Variants in PATJ observed in about 807,000 individuals in gnomAD.
PATJ encodes the protein PATJ crumbs cell polarity complex component.
In PATJ, 190 loss-of-function variants were observed where a neutral mutation model predicts 224.9. The observed-to-expected ratio is 0.84, with a 90% CI of 0.75 to 0.95. The LOEUF is 0.95. Among genes scored for constraint, PATJ ranks in the 40% least tolerant of loss-of-function variants. The probability of loss-of-function intolerance (pLI) is 0.00; values close to 1 mark genes in which losing one functional copy is unlikely to be tolerated. For missense variants in PATJ, 2,121 were observed against 2,270.3 expected (o/e 0.93, Z 1.34); for synonymous variants, 769 against 820.3 (o/e 0.94, Z 1.07).
intron 33 of PATJ, among the ~76,000 whole-genome samples, chr1:62,094,526 T>C (rs1211335282): frequency 6.7e-6 from 1 of 150,106 alleles, no homozygotes; most frequent in Non-Finnish European, 1.5e-5. Flanking sequence ...ATTATAGGCA[T>C]GAACCACTGA....
intron 20 of PATJ, 38 bp from the exon 21 acceptor site, chr1:61,875,205 T>C (rs901278503): frequency 4.3e-6 from 6 of 1,404,632 alleles, no homozygotes; most frequent in Non-Finnish European, 4.0e-6. Flanking sequence ...ATTTTTTTCA[T>C]AAAGTACTAA....
At chr1:61,884,171 G>T in intron 21 of PATJ, 66 bp from the exon 22 acceptor site, 1 of 1,280,204 alleles carries the variant, frequency 7.8e-7, no homozygotes, top group Non-Finnish European at 1.1e-6. Context: ...CCCATACCTA[G>T]TTGTTGAATG....
At chr1:61,963,304 A>C (rs1036122690) in intron 27 of PATJ, among the ~76,000 whole-genome samples, 1 of 152,166 alleles carries the variant, frequency 6.6e-6, no homozygotes, top group Admixed American at 6.5e-5. Context: ...GAAAATATTA[A>C]GGAAACCAGC....
intron 21 of PATJ, among the ~76,000 whole-genome samples, chr1:61,883,333 A>T (rs1299310416): frequency 1.3e-5 from 2 of 152,082 alleles, no homozygotes; most frequent in African/African-American, 4.8e-5. Context: ...AAATTATGGC[A>T]ATCTGTACCC....
rs538786150 is a variant in PATJ at position 61,940,948 on chromosome 1, A to T, written c.3670+13119A>T. ...TACATTTTCACTTTCAACTGAGATC[A>T]CTAGGAGAGAAAGGCATTTTGGAGT... is the stretch of plus-strand genomic sequence containing the variant. On this transcript the variant is annotated intron_variant, in intron 27 of 43. Transcript: ENST00000642238. Among the ~76,000 whole-genome samples, 11 of 152,274 alleles carry T rather than the reference A, an allele frequency of 7.2e-5. No homozygotes were observed. The East Asian group carries it at 1.7e-3, about 24-fold the overall frequency.
chr1:61,779,256 C>T (rs1163515711), intron 7 of PATJ, among the ~76,000 whole-genome samples: 1 of 152,024 alleles, frequency 6.6e-6, no homozygotes, highest in Non-Finnish European at 1.5e-5. Context: ...CTGGCAAGTC[C>T]AAAATACGTA....
intron 33 of PATJ, among the ~76,000 whole-genome samples, chr1:62,102,406 G>A (rs928932602): frequency 1.3e-5 from 2 of 151,866 alleles, no homozygotes; most frequent in East Asian, 3.9e-4. Flanking sequence ...CTTTTTTCTT[G>A]GGCTAAACAA....
At chr1:61,969,347 G>A (rs1682618488) in intron 27 of PATJ, among the ~76,000 whole-genome samples, 1 of 152,104 alleles carries the variant, frequency 6.6e-6, no homozygotes, top group African/African-American at 2.4e-5. Context: ...TACCAACGAT[G>A]CATAAACGTT....
chr1:61,927,113 T>C lies in PATJ; in HGVS notation c.3571-617T>C, dbSNP rs1473580535. Among the ~76,000 whole-genome samples, 3 of 152,344 alleles carry C rather than the reference T, an allele frequency of 2.0e-5. No homozygotes were observed. In the South Asian group the frequency reaches 6.2e-4, roughly 32 times the overall value. ...GTATGAACCAAATATTGATGTGCTG[T>C]ATCATTTGGTATGTGAATTGAATGA... On this transcript the variant is annotated intron_variant, in intron 26 of 43. Coordinates refer to ENST00000642238, the MANE Select transcript of PATJ (RefSeq NM_001350145.3).
intron 17 of PATJ, among the ~76,000 whole-genome samples, chr1:61,845,236 T>C (rs1661747024): frequency 6.6e-6 from 1 of 152,198 alleles, no homozygotes; most frequent in Non-Finnish European, 1.5e-5. Flanking sequence ...ATCATCCTTG[T>C]TTTATGGATA....
chr1:62,053,198 C>T (rs1435026433), intron 31 of PATJ, among the ~76,000 whole-genome samples: 1 of 152,158 alleles, frequency 6.6e-6, no homozygotes, highest in African/African-American at 2.4e-5. Flanking sequence ...GATAATGTTT[C>T]ATACTGCACT....
In PATJ at chr1:61,771,558, G is replaced by A. The variant is rs373083748; in HGVS notation, c.652G>A (p.Ala218Thr). 225 of 1,613,046 alleles carry A rather than the reference G, an allele frequency of 1.4e-4. No individual in the cohort carries two copies. Among genetic ancestry groups the A allele is most frequent in the South Asian group, 2.6e-4 (24 of 90,848 alleles). The change falls in exon 6 of 44, where the codon GCC becomes ACC. Residue 218 changes from alanine (A) to threonine (T), a missense_variant. Physicochemically the swap from Ala to Thr is moderately conservative, Grantham distance 58. Transcript: ENST00000642238. ...QTTGSLRLIV[A>T]REPVHTKSST... ...CACTGGATCTTTGAGACTGATTGTG[G>A]CCAGGGAACCAGTCCACACAAAAAG...
At chr1:62,061,384 G>A (rs763220722) in intron 31 of PATJ, among the ~76,000 whole-genome samples, 43 of 151,752 alleles carry the variant, frequency 2.8e-4, no homozygotes, top group Non-Finnish European at 6.0e-4. Context: ...GTTTTGCCAT[G>A]TTGGCCAGGC....
chr1:61,819,341 G>C lies in PATJ; in HGVS notation c.1684-3604G>C, dbSNP rs146256246. ...CTTATATTCTTTGCCTATCATATCA[G>C]GACTGTGATAATCCTGCTGCTTGTT... On this transcript the variant is annotated intron_variant, in intron 14 of 43. Coordinates refer to ENST00000642238, the MANE Select transcript of PATJ (RefSeq NM_001350145.3). 2.2e-4 allele frequency among the ~76,000 whole-genome samples: 33 copies of C among 152,194 alleles called. 1 individual carries two copies. In the East Asian group the frequency reaches 6.0e-3, roughly 28 times the overall value.
At chr1:62,109,868 T>C (rs187427390) in intron 34 of PATJ, among the ~76,000 whole-genome samples, 8 of 152,328 alleles carry the variant, frequency 5.3e-5, no homozygotes, top group Admixed American at 3.3e-4. Flanking sequence ...TTGTACACTT[T>C]AAGTTTGTGC....
intron 27 of PATJ, among the ~76,000 whole-genome samples, chr1:61,942,014 C>G (rs1293207610): frequency 6.6e-6 from 1 of 152,188 alleles, no homozygotes; most frequent in Admixed American, 6.5e-5. Flanking sequence ...GATTATTGAT[C>G]TTGCACTGCT....
intron 14 of PATJ, among the ~76,000 whole-genome samples, chr1:61,817,125 A>G (rs1053355200): frequency 2.0e-5 from 3 of 152,234 alleles, no homozygotes; most frequent in African/African-American, 7.2e-5. Flanking sequence ...AATGAGTACA[A>G]TGGGTATTTC....
chr1:61,997,581 T>C (rs1248446147), intron 28 of PATJ, among the ~76,000 whole-genome samples: 2 of 152,188 alleles, frequency 1.3e-5, no homozygotes. Flanking sequence ...TGCCTGGCAG[T>C]AGGCTGTGTT....
intron 23 of PATJ, among the ~76,000 whole-genome samples, chr1:61,900,588 CTTTTCT>C (rs1670996265): frequency 6.6e-6 from 1 of 151,620 alleles, no homozygotes; most frequent in African/African-American, 2.4e-5. Flanking sequence ...GCTTTCTTTT[CTTTTCT>C]TTTCTTTTTT....
Sources: gnomAD v4.1 joint callset for allele counts (sites outside exome capture counted in the v4.1 genomes callset) on GRCh38, gnomAD v4.1.1 for gene constraint, MANE v1.5 for transcripts, NCBI Gene and HGNC (gene_info 2026-07-23, HGNC 2026-07-21) for gene names.